Variants in FGL1 observed in about 807,000 individuals in gnomAD.
The protein encoded by FGL1 is fibrinogen-like protein 1.
FGL1 carries 59 observed loss-of-function variants against 43.7 expected under a neutral mutation model. The observed-to-expected ratio is 1.35, with a 90% CI of 1.10 to 1.68. FGL1 has a LOEUF of 1.68. FGL1 is among the 40% of genes most tolerant of loss of function. FGL1 has a pLI of 0.00. For missense variants in FGL1, 596 were observed against 373.0 expected (o/e 1.60, Z -4.92); for synonymous variants, 192 against 126.5 (o/e 1.52, Z -3.48).
intron 1 of FGL1, among the ~76,000 whole-genome samples, chr8:17,886,584 C>T (rs1300828912): frequency 6.6e-6 from 1 of 152,030 alleles, no homozygotes; most frequent in African/African-American, 2.4e-5. Flanking sequence ...ATGGCGAAAC[C>T]CTGTCTCTAC....
chr8:17,864,907 A>C (rs964078711), intron 7 of FGL1, among the ~76,000 whole-genome samples, 156 bp from the exon 8 acceptor site: 1 of 152,182 alleles, frequency 6.6e-6, no homozygotes, highest in South Asian at 2.1e-4. Flanking sequence ...AAAAGCTGAG[A>C]AATTTCTACA....
rs1368279642 is a variant in FGL1 at position 17,874,013 on chromosome 8, C to A, written c.502+6G>T. 9 of 1,582,248 alleles carry A rather than the reference C, an allele frequency of 5.7e-6. No homozygotes were observed. Among genetic ancestry groups the A allele is most frequent in the Admixed American group, 1.9e-5 (1 of 51,882 alleles). ...TCAAATAAATCTGACATCATTCAAA[C>A]CTTACCTTGAGTGGTCAAGAAGTGA... On this transcript the variant is annotated splice_donor_region_variant and intron_variant, in intron 5 of 7. Coordinates refer to ENST00000427924, the MANE Select transcript of FGL1 (RefSeq NM_004467.4).
intron 3 of FGL1, among the ~76,000 whole-genome samples, chr8:17,875,778 T>C (rs1563452694): frequency 6.6e-6 from 1 of 152,056 alleles, no homozygotes; most frequent in African/African-American, 2.4e-5. Context: ...CTAATTTTTT[T>C]GTATTTTTAG....
chr8:17,864,522 T>A lies in FGL1; in HGVS notation c.*70A>T. ...TTATCATGATTGCGCATGGATATGT[T>A]CAGAATGAGTATTTTTCAAATCACT... On this transcript the variant is annotated 3_prime_UTR_variant, in exon 8 of 8. Transcript: ENST00000427924. 6.7e-7 allele frequency: 1 copy of A among 1,499,500 alleles called. No individual in the cohort carries two copies. The highest frequency in any genetic ancestry group is 9.0e-7 in the Non-Finnish European group (1 of 1,110,872). The allele number at this position is 1,499,500 out of a possible 1,614,324, so 92.9% of individuals were successfully genotyped here.
At chr8:17,884,985 T>G (rs73580114) in intron 2 of FGL1, among the ~76,000 whole-genome samples, 6,259 of 152,186 alleles carry the variant, frequency 0.041, 451 homozygotes, top group African/African-American at 0.14. Flanking sequence ...ATAACTCCAG[T>G]GAATTTTTAA....
intron 5 of FGL1, among the ~76,000 whole-genome samples, chr8:17,873,690 T>C (rs1563450584): frequency 1.2e-5 from 1 of 82,984 alleles, no homozygotes; most frequent in African/African-American, 4.1e-5. Flanking sequence ...TATCTATAGA[T>C]ACATATAGCG....
intron 1 of FGL1, among the ~76,000 whole-genome samples, chr8:17,892,344 A>C (rs1201024317): frequency 2.6e-5 from 4 of 152,194 alleles, no homozygotes; most frequent in Non-Finnish European, 5.9e-5. Context: ...ATGGAAAACA[A>C]AATATTTAAA....
chr8:17,883,421 A>G (rs1178730559), intron 2 of FGL1, among the ~76,000 whole-genome samples: 2 of 119,544 alleles, frequency 1.7e-5, no homozygotes, highest in Non-Finnish European at 3.1e-5. Flanking sequence ...TACAAAATAT[A>G]TAATATGAAT....
chr8:17,881,985 A>T lies in FGL1; in HGVS notation c.244+14T>A. ...TGTAAGTTATAGAAACACTTAAGAAAAGTCCATTCTGACCTGCATACTGCC... is the reference window on the plus strand; with the variant it reads ...TGTAAGTTATAGAAACACTTAAGAATAGTCCATTCTGACCTGCATACTGCC... On this transcript the variant is annotated intron_variant, in intron 3 of 7. Transcript: ENST00000427924. 6.2e-6 allele frequency: 10 copies of T among 1,610,214 alleles called. No individual in the cohort carries two copies. The highest frequency in any genetic ancestry group is 6.8e-6 in the Non-Finnish European group (8 of 1,177,514).
intron 1 of FGL1, chr8:17,891,680 C>A (rs1326674105): frequency 1.0e-6 from 1 of 985,100 alleles, no homozygotes; most frequent in Non-Finnish European, 1.2e-6. Flanking sequence ...AACTTGTAAA[C>A]CTGAATTAGA....
In FGL1 at chr8:17,884,095, C is replaced by CCCTT. The variant is rs573632270; in HGVS notation, c.63+1393_63+1396dup. On this transcript the variant is annotated intron_variant, in intron 2 of 7. Transcript: ENST00000427924. ...TTTCTTTCTCCTTCCCTCCCTCCCT[C>CCCTT]CCTTCCTTCTTTTCTTTTCTTTCTT... 2.5e-3 allele frequency among the ~76,000 whole-genome samples: 302 copies of CCCTT among 118,846 alleles called. 8 individuals carry two copies. Among genetic ancestry groups the CCCTT allele is most frequent in the Middle Eastern group, 0.013 (3 of 230 alleles). The allele number at this position is 118,846 out of a possible 152,430, so 78.0% of individuals were successfully genotyped here.
intron 5 of FGL1, among the ~76,000 whole-genome samples, chr8:17,872,518 G>T (rs372563110): frequency 3.0e-4 from 46 of 152,176 alleles, no homozygotes; most frequent in African/African-American, 1.1e-3. Context: ...GGCCAGGCTG[G>T]TCTCGAAATC....
chr8:17,895,394 A>G, intron 1 of FGL1, 53 bp downstream of exon 1: 1 of 1,276,748 alleles, frequency 7.8e-7, no homozygotes, highest in Non-Finnish European at 1.0e-6. Flanking sequence ...CCTGTGAAAT[A>G]AATTAGCATT....
intron 5 of FGL1, among the ~76,000 whole-genome samples, chr8:17,871,491 C>CA (rs11445398): frequency 0.75 from 98,943 of 131,694 alleles, 35,858 homozygotes; most frequent in Non-Finnish European, 0.79. Context: ...AAATCTGTCT[C>CA]AAAAAAAAAA....
chr8:17,871,200 A>G (rs1393894502), intron 5 of FGL1, among the ~76,000 whole-genome samples: 3 of 152,132 alleles, frequency 2.0e-5, no homozygotes, highest in Non-Finnish European at 4.4e-5. Context: ...CTTTAAAAAT[A>G]TTCTATTACA....
chr8:17,891,899 C>T (rs1563464028), intron 1 of FGL1: 9 of 501,922 alleles, frequency 1.8e-5, no homozygotes. Context: ...CAATATGTAA[C>T]AGCTTATTTT....
At chr8:17,887,939 C>G (rs772209592) in intron 1 of FGL1, among the ~76,000 whole-genome samples, 7 of 151,856 alleles carry the variant, frequency 4.6e-5, no homozygotes, top group Non-Finnish European at 7.4e-5. Context: ...TGGCATTTCA[C>G]TCTTTATTTT....
At chr8:17,869,330 CGACG>C (rs2053321928) in intron 5 of FGL1, among the ~76,000 whole-genome samples, 1 of 152,002 alleles carries the variant, frequency 6.6e-6, no homozygotes, top group Admixed American at 6.6e-5. Flanking sequence ...ATGAAAGGGT[CGACG>C]TTTTACCTTT....
At chr8:17,879,869 A>G (rs2427729) in intron 3 of FGL1, among the ~76,000 whole-genome samples, 27,398 of 152,092 alleles carry the variant, frequency 0.18, 3,165 homozygotes, top group African/African-American at 0.32. Flanking sequence ...GCCCCCTGCC[A>G]TGATTGACCC....
Sources: gnomAD v4.1 joint callset for allele counts (sites outside exome capture counted in the v4.1 genomes callset) on GRCh38, gnomAD v4.1.1 for gene constraint, MANE v1.5 for transcripts, NCBI Gene and HGNC (gene_info 2026-07-23, HGNC 2026-07-21) for gene names.